TIAM1: variants seen among roughly 807,000 people sequenced by gnomAD.
The protein encoded by TIAM1 is TIAM Rac1 associated GEF 1.
In TIAM1, 65 loss-of-function variants were observed where a neutral mutation model predicts 163.5. The ratio of observed to expected loss-of-function variants is 0.40; its 90% CI spans 0.33 to 0.49. The LOEUF is 0.49. TIAM1 is among the 20% of genes least tolerant of loss of function. TIAM1 has a pLI of 0.77. For missense variants in TIAM1, 1,789 were observed against 2,044.7 expected (o/e 0.87, Z 2.41); for synonymous variants, 833 against 810.1 (o/e 1.03, Z -0.48).
chr21:31,155,748 G>C lies in TIAM1; in HGVS notation c.2992-1322C>G, dbSNP rs531107208. Among the ~76,000 whole-genome samples the C allele has an allele frequency of 6.6e-5, 10 of 152,062 alleles. No homozygotes were observed. The South Asian group carries it at 1.0e-3, about 16-fold the overall frequency. On this transcript the variant is annotated intron_variant, in intron 16 of 27. Transcript: ENST00000541036. ...CTCAATCTGACCTTGTGATCCACCCGCCTTGGCCTCCCAAAGTGCTGGGAT... is the reference window on the plus strand; with the variant it reads ...CTCAATCTGACCTTGTGATCCACCCCCCTTGGCCTCCCAAAGTGCTGGGAT...
chr21:31,558,518 C>T (rs574412919), intron 1 of TIAM1, among the ~76,000 whole-genome samples: 34 of 152,208 alleles, frequency 2.2e-4, no homozygotes, highest in African/African-American at 7.7e-4. Context: ...ACAAGCACGC[C>T]CTCCCCGAAG....
chr21:31,268,402 C>T (rs1229343227), intron 3 of TIAM1, among the ~76,000 whole-genome samples: 2 of 152,230 alleles, frequency 1.3e-5, no homozygotes, highest in African/African-American at 2.4e-5. Flanking sequence ...ACATTGATCC[C>T]AGACTTACTC....
At chr21:31,233,804 G>A (rs941196822) in intron 6 of TIAM1, among the ~76,000 whole-genome samples, 5 of 152,192 alleles carry the variant, frequency 3.3e-5, no homozygotes, top group Non-Finnish European at 7.3e-5. Flanking sequence ...TCATTCTTTG[G>A]AGAAGAAAGG....
At chr21:31,524,700 C>T (rs2147503367) in intron 1 of TIAM1, among the ~76,000 whole-genome samples, 1 of 152,280 alleles carries the variant, frequency 6.6e-6, no homozygotes, top group African/African-American at 2.4e-5. Flanking sequence ...GAACACTATG[C>T]CCAAGAGTTT....
At chr21:31,523,018 G>C (rs576131199) in intron 1 of TIAM1, among the ~76,000 whole-genome samples, 1 of 152,200 alleles carries the variant, frequency 6.6e-6, no homozygotes, top group South Asian at 2.1e-4. Flanking sequence ...TCAATAAACT[G>C]TCATCATTCA....
At chr21:31,227,483 A>G (rs1447342486) in intron 6 of TIAM1, among the ~76,000 whole-genome samples, 2 of 152,234 alleles carry the variant, frequency 1.3e-5, no homozygotes, top group African/African-American at 4.8e-5. Context: ...TGTGGATAAC[A>G]AATATTTTGC....
chr21:31,424,392 G>C (rs1283081250), intron 2 of TIAM1, among the ~76,000 whole-genome samples: 1 of 152,200 alleles, frequency 6.6e-6, no homozygotes, highest in Non-Finnish European at 1.5e-5. Context: ...TGCCATCCAA[G>C]TACCCACCAA....
chr21:31,375,489 T>C (rs1406817836), intron 2 of TIAM1, among the ~76,000 whole-genome samples: 1 of 36 alleles, frequency 0.028, no homozygotes, highest in Non-Finnish European at 0.062. Flanking sequence ...TTCCCCTTCG[T>C]CCACCTTTCT....
chr21:31,377,951 A>G (rs2076715734), intron 2 of TIAM1, among the ~76,000 whole-genome samples: 1 of 152,052 alleles, frequency 6.6e-6, no homozygotes, highest in Admixed American at 6.6e-5. Flanking sequence ...TGCCTGACCA[A>G]CATGAAGAAA....
chr21:31,431,259 G>T (rs1343276548), intron 2 of TIAM1, among the ~76,000 whole-genome samples: 1 of 152,192 alleles, frequency 6.6e-6, no homozygotes, highest in Non-Finnish European at 1.5e-5. Flanking sequence ...CTCCACGTAT[G>T]TTCAGTAGCT....
chr21:31,124,412 C>T, intron 27 of TIAM1, 110 bp downstream of exon 27: 2 of 1,454,556 alleles, frequency 1.4e-6, no homozygotes, highest in Non-Finnish European at 9.1e-7. Context: ...CCTACATCAG[C>T]CCCCACCAGG....
chr21:31,292,371 CT>C (rs763364996), intron 2 of TIAM1, among the ~76,000 whole-genome samples: 341 of 138,726 alleles, frequency 2.5e-3, no homozygotes, highest in East Asian at 0.012. Context: ...TTTCAATTTC[CT>C]TTTTTTTTTT....
At chr21:31,197,539 C>CTTTTTTTTTTGT (rs2085931154) in intron 12 of TIAM1, among the ~76,000 whole-genome samples, 1 of 123,260 alleles carries the variant, frequency 8.1e-6, no homozygotes, top group East Asian at 2.7e-4. Flanking sequence ...CCGCGCCCGG[C>CTTTTTTTTTTGT]TTTTTTTTTT....
At chr21:31,403,022 G>A (rs991210178) in intron 2 of TIAM1, among the ~76,000 whole-genome samples, 2 of 151,110 alleles carry the variant, frequency 1.3e-5, no homozygotes, top group African/African-American at 2.5e-5. Flanking sequence ...ACAGCACCAC[G>A]GCTAATGTGC....
chr21:31,225,734 A>G lies in TIAM1; in HGVS notation c.1801T>C (p.Leu601=). The change falls in exon 7 of 28, where the codon TTA becomes CTA. Residue 601 remains leucine (L), a synonymous_variant. Coordinates refer to ENST00000541036, the MANE Select transcript of TIAM1 (RefSeq NM_001353694.2). ...VTDSKKKKTI[L]DQIFVWEQNL... is the part of the protein sequence containing the mutation. Reference sequence around the variant, plus strand: ...CACGGAAGAACGATTACCTGATCTAATATTGTTTTCTTTTTCTTTGAGTCA... The same window carrying G: ...CACGGAAGAACGATTACCTGATCTAGTATTGTTTTCTTTTTCTTTGAGTCA... 1.2e-6 allele frequency: 2 copies of G among 1,611,276 alleles called. No individual in the cohort carries two copies. The highest frequency in any genetic ancestry group is 2.7e-5 in the African/African-American group (2 of 74,958).
At chr21:31,524,627 G>A (rs1287973954) in intron 1 of TIAM1, among the ~76,000 whole-genome samples, 1 of 152,202 alleles carries the variant, frequency 6.6e-6, no homozygotes, top group Non-Finnish European at 1.5e-5. Context: ...GGGAAATCAG[G>A]AGGAATAATC....
chr21:31,198,128 C>G (rs1350263497), intron 12 of TIAM1, among the ~76,000 whole-genome samples: 1 of 152,196 alleles, frequency 6.6e-6, no homozygotes, highest in Non-Finnish European at 1.5e-5. Flanking sequence ...GCCGTTAGCA[C>G]TAAAGAGAAG....
chr21:31,129,322 T>C (rs1385169069), intron 25 of TIAM1, among the ~76,000 whole-genome samples: 2 of 152,204 alleles, frequency 1.3e-5, no homozygotes, highest in Non-Finnish European at 2.9e-5. Flanking sequence ...CTAATTATAT[T>C]ATGAAGTATA....
chr21:31,554,191 A>G (rs2048792804), intron 1 of TIAM1, among the ~76,000 whole-genome samples: 1 of 152,122 alleles, frequency 6.6e-6, no homozygotes, highest in South Asian at 2.1e-4. Flanking sequence ...AGGAAAAGCA[A>G]CTGAATCCTC....
Sources: allele counts gnomAD v4.1 joint callset (sites outside exome capture counted in the v4.1 genomes callset), GRCh38; gene constraint gnomAD v4.1.1; transcripts MANE v1.5; gene names NCBI Gene and HGNC (gene_info 2026-07-23, HGNC 2026-07-21).